The following PTH2R variants were observed in gnomAD, a reference collection of about 807,000 sequenced individuals.
PTH2R encodes parathyroid hormone 2 receptor.
A neutral mutation model predicts 60.3 loss-of-function variants in PTH2R; 59 were observed. That is an observed-to-expected ratio of 0.98 (90% CI 0.79 to 1.22). The LOEUF (loss-of-function observed/expected upper bound fraction) is 1.22, where lower values mean the gene tolerates loss of function less well. PTH2R is among the 50% of genes most tolerant of loss of function. PTH2R has a pLI of 0.00. For synonymous variants in PTH2R, 256 were observed against 243.8 expected, an observed-to-expected ratio of 1.05 and a Z score of -0.47; for missense variants, 749 against 682.6, an observed-to-expected ratio of 1.10 and a Z score of -1.08.
At chr2:208,402,590 C>T (rs1701330058), upstream of PTH2R, among the ~76,000 whole-genome samples, 1 of 152,196 alleles carries the variant, frequency 6.6e-6, no homozygotes, top group Non-Finnish European at 1.5e-5. Context: ...AATGTTCCTT[C>T]CTAATCCATC....
At chr2:208,447,539 G>T (rs2105875959) in intron 7 of PTH2R, among the ~76,000 whole-genome samples, 1 of 150,450 alleles carries the variant, frequency 6.6e-6, no homozygotes, top group East Asian at 2.0e-4. Context: ...AGTGAGCTGA[G>T]ATCGCGCCAC....
chr2:208,489,463 A>G lies in PTH2R; in HGVS notation c.1215+313A>G, dbSNP rs560504933. Among the ~76,000 whole-genome samples the G allele has an allele frequency of 2.0e-5, 3 of 152,242 alleles. No individual in the cohort carries two copies. In the East Asian group the frequency reaches 5.8e-4, roughly 29 times the overall value. On this transcript the variant is annotated intron_variant, in intron 11 of 12. Transcript: ENST00000272847. Reference sequence around the variant, plus strand: ...AGAATGAGGACCTCTGCTTGTGTGTATGGAAGATAAACAAAAGTAAAAGAA... The same window carrying G: ...AGAATGAGGACCTCTGCTTGTGTGTGTGGAAGATAAACAAAAGTAAAAGAA...
intron 1 of PTH2R, among the ~76,000 whole-genome samples, chr2:208,374,770 T>G (rs986135410): frequency 2.0e-5 from 3 of 152,010 alleles, no homozygotes; most frequent in Non-Finnish European, 4.4e-5. Flanking sequence ...CCCCACAAAG[T>G]GCTGGGATTA....
At chr2:208,418,164 A>T (rs887758025) in intron 1 of PTH2R, among the ~76,000 whole-genome samples, 3 of 152,134 alleles carry the variant, frequency 2.0e-5, no homozygotes, top group Non-Finnish European at 4.4e-5. Flanking sequence ...AAATAAAATA[A>T]CTAGAAATGA....
Position 208,442,359 on chromosome 2 carries a change from T to C in PTH2R, c.412-5T>C. ...TATCATACATGAGCATCTCTTCCCT[T>C]GCAGCAAGAATTCTTTGAACGCCTC... On this transcript the variant is annotated splice_region_variant and splice_polypyrimidine_tract_variant and intron_variant, in intron 4 of 12. Coordinates refer to ENST00000272847, the MANE Select transcript of PTH2R (RefSeq NM_005048.4). 1 of 1,599,758 alleles carries C rather than the reference T, an allele frequency of 6.3e-7. No individual in the cohort carries two copies. The highest frequency in any genetic ancestry group is 8.6e-7 in the Non-Finnish European group (1 of 1,167,088).
At chr2:208,393,996 T>TG (rs1481839137) in intron 1 of PTH2R, among the ~76,000 whole-genome samples, 2 of 152,234 alleles carry the variant, frequency 1.3e-5, no homozygotes, top group Admixed American at 1.3e-4. Context: ...GCTTTAGCTC[T>TG]GGGGAACTAT....
rs753799300 is a variant in PTH2R, at chr2:208,370,599, C to T, written c.-259+10362C>T. On this transcript the variant is annotated intron_variant, in intron 1 of 12. Coordinates refer to the PTH2R transcript ENST00000617735. ...TGGACCAGTGTGTTCAGATTTTTCT[C>T]TGTTGTAATCTATGTTCTTCTTTCA... 5.4e-4 allele frequency among the ~76,000 whole-genome samples: 82 copies of T among 151,760 alleles called. 1 individual carries two copies. The highest frequency in any genetic ancestry group is 3.2e-4 in the Non-Finnish European group (22 of 68,016).
chr2:208,375,478 T>A (rs1303299105), intron 1 of PTH2R, among the ~76,000 whole-genome samples: 1 of 152,138 alleles, frequency 6.6e-6, no homozygotes, highest in East Asian at 1.9e-4. Flanking sequence ...CGACCTATCT[T>A]TACTCATTTT....
chr2:208,486,659 C>A (rs184736969), intron 10 of PTH2R, among the ~76,000 whole-genome samples: 2 of 152,234 alleles, frequency 1.3e-5, no homozygotes, highest in Non-Finnish European at 2.9e-5. Flanking sequence ...CCCCTTTTAT[C>A]TGATTAGGCT....
rs371324898 is a variant in PTH2R, at chr2:208,421,814, A to G, written c.76-6387A>G. Among the ~76,000 whole-genome samples the G allele has an allele frequency of 2.0e-5, 3 of 152,220 alleles. No homozygotes were observed. In the East Asian group the frequency reaches 5.8e-4, roughly 29 times the overall value. On this transcript the variant is annotated intron_variant, in intron 1 of 12. Coordinates refer to ENST00000272847, the MANE Select transcript of PTH2R (RefSeq NM_005048.4). The stretch of plus-strand genomic sequence containing the variant: ...ATAAAACTGATTTGTTACTTGGCCC[A>G]TTCACACTGGAGTATATGAGAAACC...
chr2:208,444,806 G>A lies in PTH2R; in HGVS notation c.772G>A (p.Gly258Ser), dbSNP rs1428415307. 2 of 1,613,828 alleles carry A rather than the reference G, an allele frequency of 1.2e-6. No homozygotes were observed. The highest frequency in any genetic ancestry group is 1.7e-5 in the Admixed American group (1 of 60,018). The change falls in exon 7 of 13, where the codon GGT (glycine) becomes AGT (serine). Residue 258 changes from glycine (G) to serine (S), a missense_variant. Transcript: ENST00000272847. Reference protein sequence around the residue: ...ATNYYWILVEGLYLHNLIFVA... With the variant: ...ATNYYWILVESLYLHNLIFVA... ...AAATTATTATTGGATCCTGGTGGAA[G>A]GTCTCTACCTGCATAATCTCATCTT...
chr2:208,364,483 C>G (rs934633222), intron 1 of PTH2R, among the ~76,000 whole-genome samples: 1 of 152,130 alleles, frequency 6.6e-6, no homozygotes, highest in Non-Finnish European at 1.5e-5. Context: ...GTTGACCAGA[C>G]TGTCCTTTTC....
intron 2 of PTH2R, among the ~76,000 whole-genome samples, chr2:208,431,036 C>A (rs1251796680): frequency 6.6e-6 from 1 of 152,170 alleles, no homozygotes; most frequent in African/African-American, 2.4e-5. Flanking sequence ...ATTCTCTCAT[C>A]TCCTTCTGGA....
rs190451649 is a variant in PTH2R, at chr2:208,452,009, A to C, written c.914+1200A>C. Among the ~76,000 whole-genome samples the C allele has an allele frequency of 3.3e-4, 50 of 152,368 alleles. No homozygotes were observed. The East Asian group carries it at 5.0e-3, about 15-fold the overall frequency. On this transcript the variant is annotated intron_variant, in intron 8 of 12. Coordinates refer to ENST00000272847, the MANE Select transcript of PTH2R (RefSeq NM_005048.4). The stretch of plus-strand genomic sequence containing the variant: ...TTAGGGACCAACGGACCCAAAACAC[A>C]TGATCTCTTTGTGTATCAGTTTCTC...
At chr2:208,493,238 T>C (rs979529670) in intron 12 of PTH2R, 26 bp from the exon 13 acceptor site, 1 of 1,482,938 alleles carries the variant, frequency 6.7e-7, no homozygotes, top group African/African-American at 1.4e-5. Context: ...GGATTTCTCA[T>C]GCACAGCATG....
chr2:208,468,541 A>G (rs568500405), intron 9 of PTH2R, among the ~76,000 whole-genome samples: 1 of 152,274 alleles, frequency 6.6e-6, no homozygotes, highest in South Asian at 2.1e-4. Flanking sequence ...CACCCTGGCT[A>G]TGTTGCTTTC....
chr2:208,419,999 G>A (rs2105845292), intron 1 of PTH2R, among the ~76,000 whole-genome samples: 1 of 152,256 alleles, frequency 6.6e-6, no homozygotes. Flanking sequence ...CATGGATGAA[G>A]CTGGAAACCA....
At chr2:208,364,864 T>C (rs1465118401) in intron 1 of PTH2R, among the ~76,000 whole-genome samples, 1 of 115,918 alleles carries the variant, frequency 8.6e-6, no homozygotes, top group Non-Finnish European at 1.9e-5. Flanking sequence ...TAGTTTTCAT[T>C]ATATAAGTTT....
At chr2:208,466,071 G>A (rs542259632) in intron 9 of PTH2R, among the ~76,000 whole-genome samples, 1 of 152,234 alleles carries the variant, frequency 6.6e-6, no homozygotes, top group South Asian at 2.1e-4. Context: ...GCCAATACGT[G>A]ATTTCTATTC....
Sources: gnomAD v4.1 joint callset for allele counts (sites outside exome capture counted in the v4.1 genomes callset) on GRCh38, gnomAD v4.1.1 for gene constraint, MANE v1.5 for transcripts, NCBI Gene and HGNC (gene_info 2026-07-23, HGNC 2026-07-21) for gene names.